RUNDC3B: variants seen among roughly 807,000 people sequenced by gnomAD.
RUNDC3B encodes RUN domain-containing protein 3B.
In RUNDC3B, 33 loss-of-function variants were observed where a neutral mutation model predicts 58.4. The observed-to-expected ratio is 0.56, with a 90% CI of 0.43 to 0.75. RUNDC3B has a LOEUF of 0.75. RUNDC3B is among the 30% of genes least tolerant of loss of function. The probability of loss-of-function intolerance (pLI) is 0.00; values close to 1 mark genes in which losing one functional copy is unlikely to be tolerated. For synonymous variants in RUNDC3B, 193 were observed against 195.2 expected, an observed-to-expected ratio of 0.99 and a Z score of 0.10; for missense variants, 501 against 535.7, an observed-to-expected ratio of 0.94 and a Z score of 0.64.
chr7:87,696,455 C>G (rs1319752017), intron 2 of RUNDC3B, among the ~76,000 whole-genome samples: 2 of 152,208 alleles, frequency 1.3e-5, no homozygotes, highest in East Asian at 3.9e-4. Flanking sequence ...GCAGATAACT[C>G]ATTGAACACA....
intron 8 of RUNDC3B, among the ~76,000 whole-genome samples, chr7:87,800,586 A>T (rs147483374): frequency 1.0e-3 from 153 of 152,050 alleles, no homozygotes; most frequent in South Asian, 3.1e-3. Context: ...TCCATAATGA[A>T]TGTACTAATT....
intron 2 of RUNDC3B, among the ~76,000 whole-genome samples, chr7:87,692,429 C>T (rs1828102562): frequency 6.6e-6 from 1 of 152,120 alleles, no homozygotes; most frequent in Admixed American, 6.5e-5. Flanking sequence ...TGAGCTCCAG[C>T]CAGGGTGACA....
At chr7:87,789,140 A>G (rs1164181039) in intron 8 of RUNDC3B, among the ~76,000 whole-genome samples, 1 of 152,206 alleles carries the variant, frequency 6.6e-6, no homozygotes, top group Non-Finnish European at 1.5e-5. Flanking sequence ...CTCAGGAATA[A>G]ATAGCCACGG....
intron 5 of RUNDC3B, among the ~76,000 whole-genome samples, chr7:87,741,226 C>A (rs559444460): frequency 5.4e-5 from 8 of 148,120 alleles, no homozygotes; most frequent in Admixed American, 1.3e-4. Context: ...AAAAAAAAAA[C>A]AAACAAAAAA....
At chr7:87,807,598 G>A (rs888749212) in intron 9 of RUNDC3B, 79 bp downstream of exon 9, 10 of 1,048,086 alleles carry the variant, frequency 9.5e-6, no homozygotes, top group Non-Finnish European at 1.3e-5. Flanking sequence ...TGGTTTCTCA[G>A]TTATTCTTTC....
chr7:87,804,323 C>T (rs1035998751), intron 8 of RUNDC3B, among the ~76,000 whole-genome samples: 3 of 152,242 alleles, frequency 2.0e-5, no homozygotes, highest in Middle Eastern at 3.4e-3. Context: ...CTTGCTGTCT[C>T]AGTAGCTGTA....
chr7:87,677,084 T>G (rs1034712918), intron 2 of RUNDC3B, among the ~76,000 whole-genome samples: 1 of 152,136 alleles, frequency 6.6e-6, no homozygotes, highest in African/African-American at 2.4e-5. Context: ...CTCAAAAAAT[T>G]ACAAGTAGAA....
intron 3 of RUNDC3B, among the ~76,000 whole-genome samples, chr7:87,702,371 T>A (rs1303699413): frequency 6.6e-6 from 1 of 151,926 alleles, no homozygotes; most frequent in Non-Finnish European, 1.5e-5. Flanking sequence ...CTAGAACCCC[T>A]AGGCTCAAGT....
chr7:87,765,763 T>A (rs141414357), intron 6 of RUNDC3B, among the ~76,000 whole-genome samples: 1 of 152,112 alleles, frequency 6.6e-6, no homozygotes, highest in African/African-American at 2.4e-5. Flanking sequence ...AAAATATATA[T>A]TCTGTGGTTA....
intron 4 of RUNDC3B, among the ~76,000 whole-genome samples, chr7:87,717,785 A>G (rs551052916): frequency 6.6e-6 from 1 of 152,230 alleles, no homozygotes; most frequent in East Asian, 1.9e-4. Context: ...GATTTTGAAA[A>G]TTTTTGCACC....
intron 6 of RUNDC3B, among the ~76,000 whole-genome samples, chr7:87,753,029 C>T (rs1207675356): frequency 6.6e-6 from 1 of 152,066 alleles, no homozygotes; most frequent in African/African-American, 2.4e-5. Context: ...ATAAATTTCC[C>T]TCTACACACT....
chr7:87,634,893 A>T (rs1821608845), intron 1 of RUNDC3B, among the ~76,000 whole-genome samples: 1 of 152,200 alleles, frequency 6.6e-6, no homozygotes, highest in African/African-American at 2.4e-5. Context: ...TAATTAGTAG[A>T]TGCGCACAAT....
At chr7:87,825,262 A>G (rs924049651) in intron 10 of RUNDC3B, among the ~76,000 whole-genome samples, 15 of 151,982 alleles carry the variant, frequency 9.9e-5, no homozygotes. Context: ...CTGAGGAGAA[A>G]CTCAAGCCAG....
At chr7:87,778,540 T>A (rs929384207) in intron 8 of RUNDC3B, among the ~76,000 whole-genome samples, 1 of 152,154 alleles carries the variant, frequency 6.6e-6, no homozygotes, top group African/African-American at 2.4e-5. Flanking sequence ...TAACTTGGTG[T>A]ATATTATTCC....
chr7:87,705,673 G>C (rs1829519173), intron 3 of RUNDC3B, among the ~76,000 whole-genome samples: 1 of 152,110 alleles, frequency 6.6e-6, no homozygotes, highest in Non-Finnish European at 1.5e-5. Flanking sequence ...TTTCACACTA[G>C]AATCAGCACT....
chr7:87,782,888 G>A (rs1035815491), intron 8 of RUNDC3B, among the ~76,000 whole-genome samples: 1 of 152,140 alleles, frequency 6.6e-6, no homozygotes, highest in Admixed American at 6.5e-5. Context: ...GGCCAAGCAT[G>A]TGGTCAAACT....
At chr7:87,706,807 A>G (rs575041728) in intron 3 of RUNDC3B, among the ~76,000 whole-genome samples, 1 of 152,182 alleles carries the variant, frequency 6.6e-6, no homozygotes, top group East Asian at 1.9e-4. Context: ...CAGTTTTCCT[A>G]TGGGGTTGTT....
At chr7:87,741,388 C>T (rs551594060) in intron 5 of RUNDC3B, 111 bp from the exon 6 acceptor site, 62 of 568,474 alleles carry the variant, frequency 1.1e-4, no homozygotes, top group East Asian at 8.3e-4. Context: ...CAAAAAAATT[C>T]GCTTGCCATT....
At chr7:87,751,329 G>A (rs1289770696) in intron 6 of RUNDC3B, among the ~76,000 whole-genome samples, 1 of 152,084 alleles carries the variant, frequency 6.6e-6, no homozygotes, top group South Asian at 2.1e-4. Context: ...CTCCAGCTTT[G>A]TTCTTTTGGC....
Sources: allele counts gnomAD v4.1 joint callset (sites outside exome capture counted in the v4.1 genomes callset), GRCh38; gene constraint gnomAD v4.1.1; transcripts MANE v1.5; gene names NCBI Gene and HGNC (gene_info 2026-07-23, HGNC 2026-07-21).